ESF1: variants seen among roughly 807,000 people sequenced by gnomAD.
ESF1 encodes ESF1 nucleolar pre-rRNA processing protein, also known as ESF1 homolog.
Under a neutral mutation model 92.0 loss-of-function variants are expected in ESF1, and 58 were observed. The observed-to-expected ratio is 0.63, with a 90% CI of 0.51 to 0.78. ESF1 has a LOEUF of 0.78. ESF1 is among the 30% of genes least tolerant of loss of function. ESF1 has a pLI of 0.00. For synonymous variants in ESF1, 321 were observed against 313.7 expected, an observed-to-expected ratio of 1.02 and a Z score of -0.24; for missense variants, 922 against 989.1, an observed-to-expected ratio of 0.93 and a Z score of 0.91.
At chr20:13,738,172 T>C (rs1288435779) in intron 9 of ESF1, among the ~76,000 whole-genome samples, 1 of 152,198 alleles carries the variant, frequency 6.6e-6, no homozygotes, top group Non-Finnish European at 1.5e-5. Context: ...AGGGTGACTA[T>C]GTGCATAGGA....
intron 11 of ESF1, among the ~76,000 whole-genome samples, chr20:13,727,486 T>G (rs1472407740): frequency 1.3e-5 from 2 of 152,218 alleles, no homozygotes; most frequent in African/African-American, 4.8e-5. Flanking sequence ...GGAAACTTCA[T>G]AAACTCCTTC....
At chr20:13,721,211 A>G (rs2049865951) in intron 11 of ESF1, among the ~76,000 whole-genome samples, 1 of 152,256 alleles carries the variant, frequency 6.6e-6, no homozygotes, top group Admixed American at 6.5e-5. Flanking sequence ...AAATATTAAC[A>G]CAGAGCAAAG....
chr20:13,753,520 T>A (rs1255375653), intron 9 of ESF1, among the ~76,000 whole-genome samples: 1 of 151,634 alleles, frequency 6.6e-6, no homozygotes, highest in Admixed American at 6.6e-5. Context: ...AGATATCTAA[T>A]GACCACAGAT....
At chr20:13,770,067 T>G in intron 6 of ESF1, 46 bp from the exon 7 acceptor site, 1 of 1,078,606 alleles carries the variant, frequency 9.3e-7, no homozygotes, top group Non-Finnish European at 1.4e-6. Context: ...GCTGCAGTGA[T>G]AACCACAGTT....
At chr20:13,761,203 A>T (rs1443225542) in intron 8 of ESF1, among the ~76,000 whole-genome samples, 1 of 152,036 alleles carries the variant, frequency 6.6e-6, no homozygotes, top group Non-Finnish European at 1.5e-5. Flanking sequence ...AAGAGTCATC[A>T]CCACTCCCTA....
chr20:13,776,287 G>A lies in ESF1; in HGVS notation c.638-17C>T. 1.3e-6 allele frequency: 2 copies of A among 1,579,082 alleles called. No individual in the cohort carries two copies. Among genetic ancestry groups the A allele is most frequent in the South Asian group, 1.2e-5 (1 of 85,664 alleles). On this transcript the variant is annotated splice_polypyrimidine_tract_variant and intron_variant, in intron 2 of 13. Coordinates refer to ENST00000617257, the MANE Select transcript of ESF1 (RefSeq NM_001276380.2). ...GTTGAACCACTGCAAAATGTTAAAGGGGAAAGAAATTAAGAAAAGATATAT... is the reference window on the plus strand; with the variant it reads ...GTTGAACCACTGCAAAATGTTAAAGAGGAAAGAAATTAAGAAAAGATATAT...
At chr20:13,775,103 G>T in intron 4 of ESF1, 54 bp downstream of exon 4, 23 of 1,107,492 alleles carry the variant, frequency 2.1e-5, no homozygotes, top group Non-Finnish European at 2.5e-5. Flanking sequence ...AAAAAAATCA[G>T]ATTTAACTTA....
chr20:13,719,163 A>G (rs2049851070), intron 11 of ESF1, among the ~76,000 whole-genome samples, 179 bp from the exon 12 acceptor site: 1 of 152,188 alleles, frequency 6.6e-6, no homozygotes, highest in Admixed American at 6.5e-5. Context: ...TGGAATAAAT[A>G]CAATGCTTCT....
At chr20:13,765,144 A>G (rs893419426) in intron 8 of ESF1, among the ~76,000 whole-genome samples, 1 of 152,110 alleles carries the variant, frequency 6.6e-6, no homozygotes, top group Non-Finnish European at 1.5e-5. Flanking sequence ...AATCGTTTGA[A>G]CCCAGGAGGA....
chr20:13,766,399 G>T (rs938921788), intron 8 of ESF1, among the ~76,000 whole-genome samples: 2 of 152,156 alleles, frequency 1.3e-5, no homozygotes, highest in Non-Finnish European at 2.9e-5. Flanking sequence ...CAGAAACAGG[G>T]AGTCTACTTT....
chr20:13,774,275 A>ATATCC (rs1979823125), intron 4 of ESF1, among the ~76,000 whole-genome samples: 1 of 26,188 alleles, frequency 3.8e-5, no homozygotes, highest in African/African-American at 9.5e-5. Flanking sequence ...CCCAAATCCC[A>ATATCC]AATCCAAAAT....
chr20:13,750,525 C>T (rs1978585495), intron 9 of ESF1, among the ~76,000 whole-genome samples: 1 of 151,896 alleles, frequency 6.6e-6, no homozygotes, highest in Non-Finnish European at 1.5e-5. Flanking sequence ...AAGAAACAAA[C>T]AAAAAAGTAA....
At chr20:13,757,874 A>G (rs998866069) in intron 9 of ESF1, among the ~76,000 whole-genome samples, 8 of 152,206 alleles carry the variant, frequency 5.3e-5, no homozygotes, top group Non-Finnish European at 1.2e-4. Context: ...GAACACTTCA[A>G]TTTAAAAATG....
At chr20:13,726,975 A>G (rs1453831120) in intron 11 of ESF1, among the ~76,000 whole-genome samples, 1 of 152,234 alleles carries the variant, frequency 6.6e-6, no homozygotes, top group Non-Finnish European at 1.5e-5. Context: ...AATTTTATCT[A>G]TACCTTTTTT....
At chr20:13,728,535 A>C in intron 10 of ESF1, 70 bp from the exon 11 acceptor site, 1 of 1,195,762 alleles carries the variant, frequency 8.4e-7, no homozygotes, top group Middle Eastern at 2.8e-4. Context: ...TACCAAGAAA[A>C]ACTATGCATT....
At chr20:13,768,908 A>G (rs1979555867) in intron 7 of ESF1, among the ~76,000 whole-genome samples, 1 of 151,474 alleles carries the variant, frequency 6.6e-6, no homozygotes, top group African/African-American at 2.4e-5. Flanking sequence ...AAAAAAAAAA[A>G]AAAAAGAAAG....
At chr20:13,753,675 A>T (rs768799473) in intron 9 of ESF1, among the ~76,000 whole-genome samples, 1 of 151,772 alleles carries the variant, frequency 6.6e-6, no homozygotes, top group East Asian at 1.9e-4. Context: ...ATGGTTCTAC[A>T]CTCTATCCCA....
At chr20:13,721,124 A>T (rs1357409136) in intron 11 of ESF1, among the ~76,000 whole-genome samples, 1 of 152,174 alleles carries the variant, frequency 6.6e-6, no homozygotes, top group African/African-American at 2.4e-5. Flanking sequence ...CTCTGTCTCG[A>T]TAAAAAAAAA....
At chr20:13,745,123 C>T (rs2050039529) in intron 9 of ESF1, among the ~76,000 whole-genome samples, 2 of 151,996 alleles carry the variant, frequency 1.3e-5, no homozygotes, top group Admixed American at 6.6e-5. Flanking sequence ...TTAAAGGTAA[C>T]GATAAAGAGC....
Sources: gnomAD v4.1 joint callset for allele counts (sites outside exome capture counted in the v4.1 genomes callset) on GRCh38, gnomAD v4.1.1 for gene constraint, MANE v1.5 for transcripts, NCBI Gene and HGNC (gene_info 2026-07-23, HGNC 2026-07-21) for gene names.